The following XKR6 variants were observed in gnomAD, a reference collection of about 807,000 sequenced individuals.
XKR6 encodes XK related 6.
Under a neutral mutation model 56.7 loss-of-function variants are expected in XKR6, and 22 were observed. The observed-to-expected ratio is 0.39, with a 90% CI of 0.28 to 0.55. XKR6 has a LOEUF of 0.55. Among genes scored for constraint, XKR6 ranks in the 20% least tolerant of loss-of-function variants. XKR6 has a pLI of 0.66. For missense variants in XKR6, 852 were observed against 889.0 expected, an observed-to-expected ratio of 0.96 and a Z score of 0.53; for synonymous variants, 524 against 387.8, an observed-to-expected ratio of 1.35 and a Z score of -4.13.
At chr8:11,161,139 G>C (rs1444307048) in intron 1 of XKR6, among the ~76,000 whole-genome samples, 1 of 152,120 alleles carries the variant, frequency 6.6e-6, no homozygotes, top group East Asian at 1.9e-4. Flanking sequence ...AACTGATCTA[G>C]GCAGAGTACC....
chr8:10,944,654 A>G (rs1259909469), intron 1 of XKR6, among the ~76,000 whole-genome samples: 1 of 152,134 alleles, frequency 6.6e-6, no homozygotes, highest in Admixed American at 6.5e-5. Flanking sequence ...GAGTATGAGA[A>G]CAGACTCTAG....
intron 1 of XKR6, among the ~76,000 whole-genome samples, chr8:10,976,981 C>A (rs913214106): frequency 1.3e-5 from 2 of 152,140 alleles, no homozygotes. Flanking sequence ...TCTTCCCCAG[C>A]CCATCCCACC....
At chr8:10,948,662 C>G (rs1192437655) in intron 1 of XKR6, among the ~76,000 whole-genome samples, 2 of 152,098 alleles carry the variant, frequency 1.3e-5, no homozygotes, top group Non-Finnish European at 2.9e-5. Context: ...CCCGCAGGAC[C>G]CGGTCTGTCC....
intron 1 of XKR6, among the ~76,000 whole-genome samples, chr8:11,159,106 T>G (rs1801668004): frequency 6.6e-6 from 1 of 152,194 alleles, no homozygotes; most frequent in African/African-American, 2.4e-5. Context: ...AGGTGGACAT[T>G]AACAGTACTA....
At chr8:11,065,731 C>T (rs185714525) in intron 1 of XKR6, among the ~76,000 whole-genome samples, 12 of 152,304 alleles carry the variant, frequency 7.9e-5, no homozygotes, top group Admixed American at 5.9e-4. Context: ...CGGTCTCTTC[C>T]GGAGCCTTTC....
At chr8:10,984,730 C>CTATATATATATATATATATA (rs1292575640) in intron 1 of XKR6, among the ~76,000 whole-genome samples, 11 of 63,664 alleles carry the variant, frequency 1.7e-4, no homozygotes, top group African/African-American at 2.8e-4. Context: ...CTCTCTCTCT[C>CTATATATATATATATATATA]TCTATATATA....
rs557993976 is a variant in XKR6, at chr8:11,116,679, A to T, written c.764+83897T>A. On this transcript the variant is annotated intron_variant, in intron 1 of 2. Transcript: ENST00000416569. ...AGCCACTACACCAGGCCTATTTGCT[A>T]CCATTCGTTGGCAAGAACTAAAAGC... 8.5e-5 allele frequency among the ~76,000 whole-genome samples: 13 copies of T among 152,216 alleles called. 1 individual carries two copies. Among genetic ancestry groups the T allele is most frequent in the African/African-American group, 1.9e-4 (8 of 41,546 alleles).
chr8:10,968,251 C>T (rs1802290277), intron 1 of XKR6, among the ~76,000 whole-genome samples: 1 of 152,214 alleles, frequency 6.6e-6, no homozygotes, highest in African/African-American at 2.4e-5. Flanking sequence ...GTCAGCTGCC[C>T]CCACTTCTCT....
chr8:11,064,407 G>C (rs115160929), intron 1 of XKR6, among the ~76,000 whole-genome samples: 2 of 152,130 alleles, frequency 1.3e-5, no homozygotes, highest in African/African-American at 4.8e-5. Flanking sequence ...GCCATCATCT[G>C]ATCACATAGT....
chr8:11,055,519 C>G (rs1799659575), intron 1 of XKR6, among the ~76,000 whole-genome samples: 2 of 152,212 alleles, frequency 1.3e-5, no homozygotes, highest in Admixed American at 6.5e-5. Flanking sequence ...AGGCCTCCCT[C>G]AGCCCTGCAG....
intron 1 of XKR6, among the ~76,000 whole-genome samples, chr8:11,195,950 G>T (rs1585044324): frequency 7.6e-6 from 1 of 132,182 alleles, no homozygotes. Context: ...TAAGTTTATG[G>T]ATAAAATGAA....
rs1422910741 is a variant in XKR6 at position 11,039,164 on chromosome 8, C to T, written c.765-114334G>A. ...GAAGGGAAGCACACGCCGCCCCACT[C>T]AGCTGCCCTAGAAATGCAAAGCGAA... On this transcript the variant is annotated intron_variant, in intron 1 of 2. Coordinates refer to ENST00000416569, the MANE Select transcript of XKR6 (RefSeq NM_173683.4). Among the ~76,000 whole-genome samples the T allele has an allele frequency of 3.3e-5, 5 of 152,212 alleles. No homozygotes were observed. In the East Asian group the frequency reaches 5.8e-4, roughly 18 times the overall value.
At chr8:11,035,934 A>G (rs1392193744) in intron 1 of XKR6, among the ~76,000 whole-genome samples, 1 of 148,228 alleles carries the variant, frequency 6.7e-6, no homozygotes, top group Non-Finnish European at 1.5e-5. Context: ...GTTACCTGTG[A>G]AAGTCTTTTT....
intron 1 of XKR6, among the ~76,000 whole-genome samples, chr8:11,048,418 G>A (rs1799463219): frequency 6.6e-6 from 1 of 152,110 alleles, no homozygotes; most frequent in Non-Finnish European, 1.5e-5. Flanking sequence ...GAGTCCCTGT[G>A]CTCCTTTGAT....
At chr8:11,009,459 G>C (rs560580152) in intron 1 of XKR6, among the ~76,000 whole-genome samples, 1 of 152,296 alleles carries the variant, frequency 6.6e-6, no homozygotes, top group African/African-American at 2.4e-5. Flanking sequence ...CTGCAGAGAA[G>C]AGATCATACC....
At chr8:10,972,748 T>G (rs1298299189) in intron 1 of XKR6, among the ~76,000 whole-genome samples, 1 of 152,202 alleles carries the variant, frequency 6.6e-6, no homozygotes, top group African/African-American at 2.4e-5. Flanking sequence ...GTACAGAATT[T>G]CAATTTTGCA....
chr8:11,151,935 C>A (rs1299381780), intron 1 of XKR6, among the ~76,000 whole-genome samples: 1 of 152,030 alleles, frequency 6.6e-6, no homozygotes, highest in Non-Finnish European at 1.5e-5. Flanking sequence ...AAAAACAAGT[C>A]CCGTTCAAAA....
intron 1 of XKR6, among the ~76,000 whole-genome samples, chr8:10,981,437 G>A (rs552587585): frequency 2.8e-4 from 43 of 152,328 alleles, no homozygotes; most frequent in African/African-American, 9.6e-4. Flanking sequence ...ATCAGATTGC[G>A]GGTGAGGAGG....
chr8:11,131,143 C>T (rs539769100), intron 1 of XKR6, among the ~76,000 whole-genome samples: 1 of 152,284 alleles, frequency 6.6e-6, no homozygotes, highest in Admixed American at 6.5e-5. Flanking sequence ...ATACTTGGCA[C>T]TGTATTGAAT....
Sources: gnomAD v4.1 joint callset for allele counts (sites outside exome capture counted in the v4.1 genomes callset) on GRCh38, gnomAD v4.1.1 for gene constraint, MANE v1.5 for transcripts, NCBI Gene and HGNC (gene_info 2026-07-23, HGNC 2026-07-21) for gene names.